The following IQGAP3 variants were observed in gnomAD, a reference collection of about 807,000 sequenced individuals.
The protein encoded by IQGAP3 is ras GTPase-activating-like protein IQGAP3.
Under a neutral mutation model 208.2 loss-of-function variants are expected in IQGAP3, and 165 were observed. That is an observed-to-expected ratio of 0.79 (90% CI 0.70 to 0.90). The LOEUF is 0.90. Among genes scored for constraint, IQGAP3 ranks in the 40% least tolerant of loss-of-function variants. The pLI, the probability that IQGAP3 is intolerant of heterozygous loss-of-function variation, is 0.00. For missense variants in IQGAP3, 1,811 were observed against 2,043.1 expected (o/e 0.89, Z 2.19); for synonymous variants, 703 against 803.6 (o/e 0.87, Z 2.12).
chr1:156,540,748 A>T lies in IQGAP3; in HGVS notation c.2699T>A (p.Ile900Asn), dbSNP rs779201583. 1.2e-6 allele frequency: 2 copies of T among 1,614,144 alleles called. No individual in the cohort carries two copies. ...QLEQDLNIMD[I>N]KIGLLVKNRI... ...GTTCTTCACCAGCAGGCCAATCTTG[A>T]TGTCCATGATGTTGAGGTCCTGCTC... The change falls in exon 23 of 38, where the codon ATC becomes AAC. Residue 900 changes from isoleucine (I) to asparagine (N), a missense_variant. Ile to Asn is a moderately radical substitution (Grantham distance 149). Coordinates refer to ENST00000361170, the MANE Select transcript of IQGAP3 (RefSeq NM_178229.5).
chr1:156,538,581 C>A (rs144752266), intron 26 of IQGAP3, among the ~76,000 whole-genome samples: 1 of 152,328 alleles, frequency 6.6e-6, no homozygotes, highest in African/African-American at 2.4e-5. Context: ...TTATGTTAAG[C>A]CCACCAGGTC....
chr1:156,539,203 C>T (rs1674858909), intron 25 of IQGAP3, 170 bp from the exon 26 acceptor site: 1 of 812,670 alleles, frequency 1.2e-6, no homozygotes, highest in African/African-American at 1.7e-5. Context: ...CCATATCCTC[C>T]CACTGTGCTG....
In IQGAP3 at chr1:156,544,188, C is replaced by G; in HGVS notation, c.2424G>C (p.Arg808Ser). 1 of 1,614,158 alleles carries G rather than the reference C, an allele frequency of 6.2e-7. No homozygotes were observed. Among genetic ancestry groups the G allele is most frequent in the Non-Finnish European group, 8.5e-7 (1 of 1,180,022 alleles). Reference protein sequence around the residue: ...QAWARMWAARRQYLRRLHYFQ... With the variant: ...QAWARMWAARSQYLRRLHYFQ... ...AGTAGTGCAGACGCCTCAGGTATTG[C>G]CTCCGAGCTGCCCACATCCGGGCCC... The change falls in exon 21 of 38, where the codon AGG (arginine) becomes AGC (serine). Residue 808 changes from arginine to serine, a missense_variant. Transcript: ENST00000361170.
At chr1:156,554,843 G>A (rs1190144118) in intron 12 of IQGAP3, among the ~76,000 whole-genome samples, 1 of 152,178 alleles carries the variant, frequency 6.6e-6, no homozygotes, top group Admixed American at 6.5e-5. Context: ...GATCGCTTGA[G>A]CTCAGGAGTT....
chr1:156,545,507 T>TTC (rs912446704), intron 19 of IQGAP3, among the ~76,000 whole-genome samples: 2 of 151,528 alleles, frequency 1.3e-5, no homozygotes, highest in African/African-American at 4.9e-5. Flanking sequence ...TCCTGTCTTT[T>TTC]TTTTTTTTTT....
Position 156,538,858 on chromosome 1 carries a change from G to A in IQGAP3, c.3232C>T (p.Leu1078Phe). ...GTCTGGTTGATCCAGTTCTTATAGAGGTGGACAGGGTCTGTGTGGACGCTG... is the reference window on the plus strand; with the variant it reads ...GTCTGGTTGATCCAGTTCTTATAGAAGTGGACAGGGTCTGTGTGGACGCTG... ...VLSVHTDPVHLYKNWINQTEA... is the reference protein window; with the variant it reads ...VLSVHTDPVHFYKNWINQTEA... The change falls in exon 26 of 38, where the codon CTC becomes TTC. Residue 1078 changes from leucine to phenylalanine, a missense_variant. Physicochemically the swap from Leu to Phe is conservative, Grantham distance 22. Transcript: ENST00000361170. 1 of 1,614,180 alleles carries A rather than the reference G, an allele frequency of 6.2e-7. No homozygotes were observed. Among genetic ancestry groups the A allele is most frequent in the Non-Finnish European group, 8.5e-7 (1 of 1,180,032 alleles).
chr1:156,566,216 G>A (rs1676392887), intron 3 of IQGAP3, 112 bp from the exon 4 acceptor site: 9 of 1,227,364 alleles, frequency 7.3e-6, no homozygotes, highest in Middle Eastern at 4.4e-4. Flanking sequence ...GGGAACCAGA[G>A]GACCACATCC....
chr1:156,561,142 C>A, intron 10 of IQGAP3, 121 bp from the exon 11 acceptor site: 1 of 654,762 alleles, frequency 1.5e-6, no homozygotes, highest in Non-Finnish European at 2.7e-6. Flanking sequence ...TACCTCTCTC[C>A]GTTAGGCTGG....
rs774777313 is a variant in IQGAP3 at position 156,564,650 on chromosome 1, G to A, written c.402C>T (p.Asn134=). ...GGATGCAGTAGACTACCCGGGGCAT[G>A]TTCTTTTTGTCATAGATGTCCGTGG... is the stretch of plus-strand genomic sequence containing the variant. The part of the protein sequence containing the change: ...PETTDIYDKK[N]MPRVVYCIHA... Residue 134 remains asparagine, a synonymous_variant, in exon 5 of 38, where the codon AAC becomes AAT. Transcript: ENST00000361170. 6.2e-7 allele frequency: 1 copy of A among 1,613,954 alleles called. No homozygotes were observed. Among genetic ancestry groups the A allele is most frequent in the South Asian group, 1.1e-5 (1 of 91,068 alleles).
Position 156,569,376 on chromosome 1 carries a change from C to T in IQGAP3, c.125G>A (p.Arg42His), listed in dbSNP as rs771675136. ...GTCCATCTTCCTGGACTCCGCTCACCGCTTGGCCTCCTCCAGCCGGCACAG... is the reference window on the plus strand; with the variant it reads ...GTCCATCTTCCTGGACTCCGCTCACTGCTTGGCCTCCTCCAGCCGGCACAG... ...QYLCRLEEAK[R>H]WMEACLKEEL... is the part of the protein sequence containing the mutation. Residue 42 changes from arginine to histidine, a missense_variant and splice_region_variant, in exon 2 of 38, where the codon CGC becomes CAC. Coordinates refer to ENST00000361170, the MANE Select transcript of IQGAP3 (RefSeq NM_178229.5). 18 of 1,609,170 alleles carry T rather than the reference C, an allele frequency of 1.1e-5. No individual in the cohort carries two copies. Among genetic ancestry groups the T allele is most frequent in the South Asian group, 4.4e-5 (4 of 90,650 alleles).
rs747615165 is a variant in IQGAP3, at chr1:156,560,945, T to C, written c.1118A>G (p.Gln373Arg). ...GVAAANTKGD[Q>R]EQAMLHAVQR... ...TGCAGATGACTTACTGGCTTGTTCC[T>C]GATCACCCTTTGTGTTGGCTGCAGC... Residue 373 changes from glutamine to arginine, a missense_variant, in exon 11 of 38, where the codon CAG (glutamine) becomes CGG (arginine). Transcript: ENST00000361170. 2 of 1,613,326 alleles carry C rather than the reference T, an allele frequency of 1.2e-6. No homozygotes were observed. Among genetic ancestry groups the C allele is most frequent in the Non-Finnish European group, 1.7e-6 (2 of 1,179,376 alleles).
At chr1:156,552,516 C>T (rs74116879) in intron 13 of IQGAP3, among the ~76,000 whole-genome samples, 3,406 of 152,316 alleles carry the variant, frequency 0.022, 116 homozygotes, top group African/African-American at 0.077. Context: ...CCCACCGTCT[C>T]TCCCATCTTG....
chr1:156,557,695 T>A (rs1189896026), intron 11 of IQGAP3, among the ~76,000 whole-genome samples: 173 of 298 alleles, frequency 0.58, 66 homozygotes, highest in South Asian at 1. Flanking sequence ...CCAGCCGCCC[T>A]GTCCGGGAGG....
In IQGAP3 at chr1:156,533,860, G is replaced by C; in HGVS notation, c.3889C>G (p.Gln1297Glu). 1 of 1,610,864 alleles carries C rather than the reference G, an allele frequency of 6.2e-7. No individual in the cohort carries two copies. The highest frequency in any genetic ancestry group is 8.5e-7 in the Non-Finnish European group (1 of 1,178,288). Reference protein sequence around the residue: ...VNTHRLLLEHQDCIAPDHQDP... With the variant: ...VNTHRLLLEHEDCIAPDHQDP... ...TGGTGATCAGGGGCAATGCAGTCCT[G>C]GTGCTCCAGCAACAGCTGCAGGACG... is the stretch of plus-strand genomic sequence containing the variant. Residue 1297 changes from glutamine to glutamate, a missense_variant, in exon 31 of 38, where the codon CAG becomes GAG. By Grantham distance (29) the Gln-to-Glu change is conservative (BLOSUM62 2). Transcript: ENST00000361170.
Position 156,556,607 on chromosome 1 carries a change from G to T in IQGAP3, c.1216C>A (p.Gln406Lys). 6.2e-7 allele frequency: 1 copy of T among 1,613,144 alleles called. No individual in the cohort carries two copies. The highest frequency in any genetic ancestry group is 8.5e-7 in the Non-Finnish European group (1 of 1,179,412). The part of the protein sequence containing the change: ...TVKELMCPEA[Q>K]LPPVYPVASS... ...GCAACAGGGTACACTGGAGGCAGCT[G>T]GGCCTCAGGGCACATCAGCTCCTTC... is the stretch of plus-strand genomic sequence containing the variant. The change falls in exon 12 of 38, where the codon CAG becomes AAG. Residue 406 changes from glutamine to lysine, a missense_variant. Coordinates refer to ENST00000361170, the MANE Select transcript of IQGAP3 (RefSeq NM_178229.5).
chr1:156,566,781 C>T (rs1394107457), intron 2 of IQGAP3, among the ~76,000 whole-genome samples: 2 of 147,586 alleles, frequency 1.4e-5, no homozygotes, highest in African/African-American at 4.9e-5. Context: ...CCCAGCAAAT[C>T]TTCCTTGACA....
intron 12 of IQGAP3, among the ~76,000 whole-genome samples, chr1:156,554,971 C>T (rs533288425): frequency 5.8e-4 from 88 of 152,200 alleles, no homozygotes; most frequent in Non-Finnish European, 1.1e-3. Flanking sequence ...GCAGGAGGAT[C>T]GCTTAAACCC....
intron 19 of IQGAP3, among the ~76,000 whole-genome samples, 194 bp from the exon 20 acceptor site, chr1:156,544,666 CA>C (rs1340091710): frequency 2.6e-5 from 4 of 152,150 alleles, no homozygotes; most frequent in African/African-American, 9.7e-5. Flanking sequence ...ACATAGCCAA[CA>C]ATGCCCTCTG....
intron 19 of IQGAP3, among the ~76,000 whole-genome samples, chr1:156,544,875 A>G (rs114033074): frequency 6.6e-6 from 1 of 152,082 alleles, no homozygotes; most frequent in Non-Finnish European, 1.5e-5. Context: ...CCACCCACAC[A>G]CTATCACACA....
Sources: gnomAD v4.1 joint callset for allele counts (sites outside exome capture counted in the v4.1 genomes callset) on GRCh38, gnomAD v4.1.1 for gene constraint, MANE v1.5 for transcripts, NCBI Gene and HGNC (gene_info 2026-07-23, HGNC 2026-07-21) for gene names.